The following ZNF536 variants were observed in gnomAD, a reference collection of about 807,000 sequenced individuals.
ZNF536 encodes the protein zinc finger protein 536.
ZNF536 carries 13 observed loss-of-function variants against 84.5 expected under a neutral mutation model. That is an observed-to-expected ratio of 0.15 (90% CI 0.10 to 0.24). ZNF536 has a LOEUF of 0.24. ZNF536 is among the 10% of genes least tolerant of loss of function. The probability of loss-of-function intolerance (pLI) is 1.00; values close to 1 mark genes in which losing one functional copy is unlikely to be tolerated. For synonymous variants in ZNF536, 811 were observed against 742.5 expected (o/e 1.09, Z -1.50); for missense variants, 1,536 against 1,747.5 (o/e 0.88, Z 2.16).
At chr19:30,543,156 T>C (rs2045400520) in intron 3 of ZNF536, among the ~76,000 whole-genome samples, 1 of 152,208 alleles carries the variant, frequency 6.6e-6, no homozygotes, top group Non-Finnish European at 1.5e-5. Context: ...CACAGTTGGT[T>C]AGAGTTGAGT....
intron 2 of ZNF536, among the ~76,000 whole-genome samples, chr19:30,458,986 T>A (rs1190674161): frequency 2.6e-5 from 4 of 152,200 alleles, no homozygotes. Flanking sequence ...AGGACTCTGG[T>A]GCTGGCCCTT....
chr19:30,450,709 A>C (rs2052563901), intron 2 of ZNF536, among the ~76,000 whole-genome samples: 1 of 152,262 alleles, frequency 6.6e-6, no homozygotes, highest in African/African-American at 2.4e-5. Context: ...GGGGATGACA[A>C]ATAGGCAACA....
chr19:30,254,434 G>A (rs953735351), intron 1 of ZNF536, among the ~76,000 whole-genome samples: 6 of 152,022 alleles, frequency 3.9e-5, no homozygotes, highest in East Asian at 1.9e-4. Context: ...GGATTCATAC[G>A]CACGGTGTTT....
rs8111417 is a variant in ZNF536 at position 30,617,840 on chromosome 19, C to G, written c.169+68326C>G. Among the ~76,000 whole-genome samples, 1,176 of 152,154 alleles carry G rather than the reference C, an allele frequency of 7.7e-3. 18 individuals carry two copies. Among genetic ancestry groups the G allele is most frequent in the African/African-American group, 0.027 (1,101 of 41,514 alleles). On this transcript the variant is annotated intron_variant, in intron 1 of 1. Transcript: ENST00000592773. The stretch of plus-strand genomic sequence containing the variant: ...TGTCTTCTATTTTAAGAATTAATAT[C>G]TAAATCCATATACATCCTACACAGA...
intron 1 of ZNF536, among the ~76,000 whole-genome samples, chr19:30,623,250 G>A (rs1261260182): frequency 1.3e-5 from 2 of 152,090 alleles, no homozygotes; most frequent in African/African-American, 4.8e-5. Context: ...GCCTAGACCA[G>A]GAACAGCCCT....
intron 2 of ZNF536, among the ~76,000 whole-genome samples, chr19:30,474,243 G>A (rs1030986576): frequency 6.6e-6 from 1 of 152,130 alleles, no homozygotes; most frequent in Non-Finnish European, 1.5e-5. Context: ...CCAGACTGTG[G>A]AAGGCCTTGG....
intron 2 of ZNF536, among the ~76,000 whole-genome samples, chr19:30,305,738 C>G (rs1233822601): frequency 6.6e-6 from 1 of 152,206 alleles, no homozygotes; most frequent in Non-Finnish European, 1.5e-5. Context: ...CTGAAGGACT[C>G]TTCTAGGCAG....
At chr19:30,706,435 C>T (rs1235839083) in intron 1 of ZNF536, among the ~76,000 whole-genome samples, 3 of 148,908 alleles carry the variant, frequency 2.0e-5, no homozygotes, top group African/African-American at 5.0e-5. Context: ...TGTAGTGAGC[C>T]GAGATCACAC....
intron 1 of ZNF536, among the ~76,000 whole-genome samples, chr19:30,634,223 G>C (rs1334535176): frequency 2.0e-5 from 3 of 152,120 alleles, no homozygotes; most frequent in African/African-American, 7.2e-5. Context: ...TTCTCCGATT[G>C]TTGTGCCGTA....
At chr19:30,686,845 G>A (rs370980055) in intron 1 of ZNF536, among the ~76,000 whole-genome samples, 21 of 151,738 alleles carry the variant, frequency 1.4e-4, no homozygotes, top group East Asian at 7.8e-4. Context: ...ATTATGAATC[G>A]ATGATCATGT....
At chr19:30,440,516 A>C (rs1327804510) in intron 1 of ZNF536, among the ~76,000 whole-genome samples, 1 of 152,228 alleles carries the variant, frequency 6.6e-6, no homozygotes, top group Non-Finnish European at 1.5e-5. Context: ...AAGATAAGCC[A>C]GCTCTGCCTT....
At chr19:30,237,172 C>T (rs1240973192) in intron 1 of ZNF536, among the ~76,000 whole-genome samples, 1 of 152,076 alleles carries the variant, frequency 6.6e-6, no homozygotes, top group Non-Finnish European at 1.5e-5. Flanking sequence ...TCTCCCTTTG[C>T]ATGATAATAT....
At chr19:30,655,597 T>G (rs2049878788) in intron 1 of ZNF536, among the ~76,000 whole-genome samples, 1 of 152,018 alleles carries the variant, frequency 6.6e-6, no homozygotes, top group Non-Finnish European at 1.5e-5. Context: ...GGGAAGGGAA[T>G]GAGGTTGGGG....
intron 1 of ZNF536, among the ~76,000 whole-genome samples, chr19:30,564,870 G>A (rs1251537401): frequency 6.6e-6 from 1 of 152,190 alleles, no homozygotes; most frequent in Non-Finnish European, 1.5e-5. Context: ...TTGGAAACGG[G>A]GAGATGCTCC....
intron 4 of ZNF536, among the ~76,000 whole-genome samples, chr19:30,549,820 G>A (rs1038024459): frequency 2.0e-5 from 3 of 152,126 alleles, no homozygotes; most frequent in Non-Finnish European, 4.4e-5. Flanking sequence ...AACTTGAAGG[G>A]GGGAAAATCG....
intron 2 of ZNF536, among the ~76,000 whole-genome samples, chr19:30,349,680 C>T (rs1440038979): frequency 6.6e-6 from 1 of 152,040 alleles, no homozygotes; most frequent in African/African-American, 2.4e-5. Context: ...CCACCTCAGC[C>T]CTCGACCCTG....
chr19:30,610,736 G>T (rs567537669), intron 1 of ZNF536, among the ~76,000 whole-genome samples: 5 of 152,216 alleles, frequency 3.3e-5, no homozygotes, highest in Middle Eastern at 3.4e-3. Flanking sequence ...CCTGTCACCC[G>T]ACTGTCATTG....
At chr19:30,428,656 T>C (rs1270246056) in intron 1 of ZNF536, among the ~76,000 whole-genome samples, 4 of 150,666 alleles carry the variant, frequency 2.7e-5, no homozygotes, top group Non-Finnish European at 5.9e-5. Flanking sequence ...GGACATAACT[T>C]CTGGCACCTG....
intron 2 of ZNF536, among the ~76,000 whole-genome samples, chr19:30,464,282 GGCAGGGATTTCAGAAAGGC>G (rs2053285880): frequency 6.6e-6 from 1 of 152,172 alleles, no homozygotes; most frequent in South Asian, 2.1e-4. Context: ...TTTACCACAA[GGCAGGGATTTCAGAAAGGC>G]ACCCACACAT....
Sources: allele counts gnomAD v4.1 joint callset (sites outside exome capture counted in the v4.1 genomes callset), GRCh38; gene constraint gnomAD v4.1.1; transcripts MANE v1.5; gene names NCBI Gene and HGNC (gene_info 2026-07-23, HGNC 2026-07-21).